Variants in TBC1D14 observed in about 807,000 individuals in gnomAD.
TBC1D14 encodes TBC1 domain family member 14.
A neutral mutation model predicts 79.0 loss-of-function variants in TBC1D14; 26 were observed. The observed-to-expected ratio is 0.33, with a 90% confidence interval of 0.24 to 0.46. The LOEUF (loss-of-function observed/expected upper bound fraction) is 0.46. TBC1D14 is among the 20% of genes least tolerant of loss of function. The probability of loss-of-function intolerance (pLI) is 1.00; values close to 1 mark genes in which losing one functional copy is unlikely to be tolerated. For synonymous variants in TBC1D14, 394 were observed against 349.9 expected, an observed-to-expected ratio of 1.13 and a Z score of -1.40; for missense variants, 769 against 887.6, an observed-to-expected ratio of 0.87 and a Z score of 1.70.
At chr4:6,989,883 T>A (rs2109135040) in intron 3 of TBC1D14, among the ~76,000 whole-genome samples, 1 of 152,250 alleles carries the variant, frequency 6.6e-6, no homozygotes, top group Non-Finnish European at 1.5e-5. Context: ...GCCATGTTGG[T>A]ATGGTCTCGT....
At chr4:6,914,695 C>T (rs951499555) in intron 1 of TBC1D14, among the ~76,000 whole-genome samples, 1 of 152,166 alleles carries the variant, frequency 6.6e-6, no homozygotes, top group Non-Finnish European at 1.5e-5. Flanking sequence ...TGGTCATGTT[C>T]GTGAGCCTGG....
chr4:6,944,541 C>T (rs1206746012), intron 2 of TBC1D14, among the ~76,000 whole-genome samples: 2 of 152,192 alleles, frequency 1.3e-5, no homozygotes, highest in Non-Finnish European at 2.9e-5. Flanking sequence ...TGCCGGGAGC[C>T]GTCTGTCCTT....
rs777908193 is a variant in TBC1D14, at chr4:6,923,722, G to A, written c.333G>A (p.Ala111=). The part of the protein sequence containing the change: ...FQSACALPSC[A]PPAPSSTERE... ...GCGCCTGCGCGCTGCCATCCTGTGC[G>A]CCACCAGCTCCTAGCAGCACCGAGC... Residue 111 remains alanine (A), a synonymous_variant, in exon 2 of 14, where the codon GCG becomes GCA. Transcript: ENST00000409757. The A allele has an allele frequency of 2.4e-5, 39 of 1,613,764 alleles. No homozygotes were observed. Among genetic ancestry groups the A allele is most frequent in the Admixed American group, 1.2e-4 (7 of 60,014 alleles).
chr4:6,938,242 C>T (rs1193198527), intron 2 of TBC1D14, among the ~76,000 whole-genome samples: 1 of 152,158 alleles, frequency 6.6e-6, no homozygotes, highest in South Asian at 2.1e-4. Flanking sequence ...CTGTGCAGAT[C>T]CCTCTTCTGG....
chr4:6,964,679 G>A (rs1032103103), intron 2 of TBC1D14, among the ~76,000 whole-genome samples: 6 of 152,114 alleles, frequency 3.9e-5, no homozygotes, highest in Middle Eastern at 3.2e-3. Context: ...GCAGTGGCAC[G>A]ATCATAGTGA....
At chr4:6,942,034 A>G (rs1267479622) in intron 2 of TBC1D14, among the ~76,000 whole-genome samples, 2 of 152,252 alleles carry the variant, frequency 1.3e-5, no homozygotes. Flanking sequence ...GCAGTTCTTC[A>G]GCCATCAGCC....
chr4:6,970,613 G>A (rs1716135045), intron 3 of TBC1D14, among the ~76,000 whole-genome samples: 2 of 152,278 alleles, frequency 1.3e-5, no homozygotes, highest in South Asian at 4.1e-4. Flanking sequence ...CGCACTGGGA[G>A]CCCAAGAGCA....
intron 2 of TBC1D14, among the ~76,000 whole-genome samples, chr4:6,933,137 C>T (rs1346053975): frequency 6.6e-6 from 1 of 151,836 alleles, no homozygotes; most frequent in Non-Finnish European, 1.5e-5. Flanking sequence ...AACAAGGCTT[C>T]TTTTGTGTGG....
intron 11 of TBC1D14, among the ~76,000 whole-genome samples, chr4:7,011,511 T>C (rs1426905727): frequency 1.3e-5 from 2 of 152,158 alleles, no homozygotes; most frequent in African/African-American, 4.8e-5. Flanking sequence ...AGCATAGAAG[T>C]CACTCATTTA....
At chr4:6,964,830 A>C (rs950787470) in intron 2 of TBC1D14, among the ~76,000 whole-genome samples, 4 of 152,176 alleles carry the variant, frequency 2.6e-5, no homozygotes, top group Admixed American at 2.0e-4. Context: ...ATTTTGATAA[A>C]ATTTCAAATT....
chr4:6,936,623 T>C (rs1712357952), intron 2 of TBC1D14, among the ~76,000 whole-genome samples: 1 of 152,258 alleles, frequency 6.6e-6, no homozygotes, highest in Non-Finnish European at 1.5e-5. Context: ...ACATAAGTTT[T>C]CAGCTCCTTT....
intron 2 of TBC1D14, among the ~76,000 whole-genome samples, chr4:6,944,854 G>A (rs1214015586): frequency 6.6e-6 from 1 of 152,160 alleles, no homozygotes; most frequent in African/African-American, 2.4e-5. Flanking sequence ...CGGGGCAGAG[G>A]TGGCCTTCCG....
intron 3 of TBC1D14, among the ~76,000 whole-genome samples, chr4:6,992,492 A>C (rs1048990150): frequency 6.6e-6 from 1 of 152,248 alleles, no homozygotes; most frequent in Non-Finnish European, 1.5e-5. Context: ...GTGAGTCCAC[A>C]TGCACAGAGC....
chr4:6,913,480 T>G (rs1422020842), intron 1 of TBC1D14, among the ~76,000 whole-genome samples: 2 of 152,200 alleles, frequency 1.3e-5, no homozygotes, highest in Non-Finnish European at 2.9e-5. Flanking sequence ...CAGCAGGCCA[T>G]GTATGAGCTT....
chr4:7,012,923 C>A (rs1481446696), intron 11 of TBC1D14, among the ~76,000 whole-genome samples: 5 of 152,152 alleles, frequency 3.3e-5, no homozygotes, highest in East Asian at 1.9e-4. Flanking sequence ...ACTGGCCTTA[C>A]GTTGCTTGTG....
intron 2 of TBC1D14, among the ~76,000 whole-genome samples, chr4:6,944,245 C>T (rs1243183103): frequency 2.6e-5 from 4 of 152,108 alleles, no homozygotes; most frequent in African/African-American, 9.7e-5. Context: ...CGTTTGGTGT[C>T]CTGCTTTTCT....
At chr4:6,970,723 C>A (rs1459110912) in intron 3 of TBC1D14, among the ~76,000 whole-genome samples, 1 of 149,592 alleles carries the variant, frequency 6.7e-6, no homozygotes, top group Non-Finnish European at 1.5e-5. Flanking sequence ...CGTGGCTGAG[C>A]TGGGGTCAGG....
chr4:7,000,024 T>C (rs1719497058), intron 6 of TBC1D14, among the ~76,000 whole-genome samples: 1 of 152,136 alleles, frequency 6.6e-6, no homozygotes, highest in South Asian at 2.1e-4. Flanking sequence ...TCTGCTCTCG[T>C]CCCACATGTC....
chr4:6,925,258 C>A (rs1724199470), intron 2 of TBC1D14, among the ~76,000 whole-genome samples: 1 of 152,200 alleles, frequency 6.6e-6, no homozygotes, highest in Non-Finnish European at 1.5e-5. Flanking sequence ...CAGAATGAGA[C>A]TCCATCTCAA....
Sources: gnomAD v4.1 joint callset for allele counts (sites outside exome capture counted in the v4.1 genomes callset) on GRCh38, gnomAD v4.1.1 for gene constraint, MANE v1.5 for transcripts, NCBI Gene and HGNC (gene_info 2026-07-23, HGNC 2026-07-21) for gene names.